The following CADPS variants were observed in gnomAD, a reference collection of about 807,000 sequenced individuals.
The protein encoded by CADPS is calcium dependent secretion activator.
Under a neutral mutation model 167.3 loss-of-function variants are expected in CADPS, and 57 were observed. That is an observed-to-expected ratio of 0.34 (90% CI 0.28 to 0.42). The LOEUF (loss-of-function observed/expected upper bound fraction) is 0.42, where lower values mean the gene tolerates loss of function less well. CADPS is among the 20% of genes least tolerant of loss of function. CADPS has a pLI of 1.00. For missense variants in CADPS, 1,414 were observed against 1,738.1 expected (o/e 0.81, Z 3.32); for synonymous variants, 676 against 635.3 (o/e 1.06, Z -0.96).
intron 18 of CADPS, among the ~76,000 whole-genome samples, chr3:62,495,023 C>T (rs188026401): frequency 1.6e-4 from 25 of 152,226 alleles, no homozygotes; most frequent in African/African-American, 3.9e-4. Flanking sequence ...GCCACTTCTA[C>T]GATCTATAGA....
At chr3:62,554,168 G>A (rs765567463) in intron 10 of CADPS, among the ~76,000 whole-genome samples, 3 of 152,104 alleles carry the variant, frequency 2.0e-5, no homozygotes, top group Admixed American at 6.5e-5. Context: ...TTATCTAATC[G>A]GATAGAAATT....
intron 26 of CADPS, among the ~76,000 whole-genome samples, chr3:62,448,343 C>G (rs2057525462): frequency 6.6e-6 from 1 of 152,152 alleles, no homozygotes; most frequent in Non-Finnish European, 1.5e-5. Context: ...CATGCAGTTA[C>G]AATCCGGAGA....
intron 3 of CADPS, among the ~76,000 whole-genome samples, chr3:62,699,651 C>T (rs950865417): frequency 1.3e-5 from 2 of 152,106 alleles, no homozygotes; most frequent in Non-Finnish European, 1.5e-5. Context: ...TTACTACATC[C>T]TCCGCCTTCC....
intron 3 of CADPS, among the ~76,000 whole-genome samples, chr3:62,721,087 A>G (rs2918039): frequency 0.29 from 42,316 of 147,686 alleles, 6,431 homozygotes; most frequent in African/African-American, 0.37. Flanking sequence ...AAAGTGCTGA[A>G]ATTACAGGTG....
intron 1 of CADPS, among the ~76,000 whole-genome samples, chr3:62,791,613 T>C (rs1418309991): frequency 6.6e-6 from 1 of 152,150 alleles, no homozygotes; most frequent in East Asian, 1.9e-4. Flanking sequence ...ATTGCATCAG[T>C]CAATCAAGCA....
intron 1 of CADPS, among the ~76,000 whole-genome samples, chr3:62,827,358 G>C (rs746516346): frequency 6.6e-6 from 1 of 152,166 alleles, no homozygotes; most frequent in Admixed American, 6.5e-5. Context: ...CAAGATGAAA[G>C]TGTATTTTCA....
intron 18 of CADPS, 80 bp from the exon 19 acceptor site, chr3:62,493,745 G>A: frequency 8.7e-7 from 1 of 1,155,258 alleles, no homozygotes; most frequent in Non-Finnish European, 1.3e-6. Context: ...GACACCTGCT[G>A]TTTCCATTTT....
intron 12 of CADPS, among the ~76,000 whole-genome samples, chr3:62,535,183 A>G (rs2074435821): frequency 6.6e-6 from 1 of 151,416 alleles, no homozygotes; most frequent in African/African-American, 2.4e-5. Flanking sequence ...TACAAAACAC[A>G]TTTGAGAAAA....
At chr3:62,692,364 C>T (rs866889864) in intron 3 of CADPS, among the ~76,000 whole-genome samples, 2 of 130,876 alleles carry the variant, frequency 1.5e-5, no homozygotes, top group Non-Finnish European at 3.2e-5. Context: ...AAAGCAAATG[C>T]CTTGCACACT....
chr3:62,698,491 C>G (rs2080767793), intron 3 of CADPS, among the ~76,000 whole-genome samples: 1 of 152,070 alleles, frequency 6.6e-6, no homozygotes, highest in South Asian at 2.1e-4. Context: ...TCAGGTGCAT[C>G]TTTCTGGTAA....
intron 6 of CADPS, among the ~76,000 whole-genome samples, chr3:62,620,198 G>A (rs542945550): frequency 2.5e-4 from 38 of 152,188 alleles, no homozygotes; most frequent in South Asian, 4.2e-4. Context: ...AATAGGGATG[G>A]CAGGCAGGGC....
At chr3:62,833,645 A>T (rs915945271) in intron 1 of CADPS, among the ~76,000 whole-genome samples, 1 of 152,052 alleles carries the variant, frequency 6.6e-6, no homozygotes, top group East Asian at 2.0e-4. Context: ...ATTAAAGAAC[A>T]AGAGTTTTCA....
At chr3:62,697,812 T>G in intron 3 of CADPS, among the ~76,000 whole-genome samples, 1 of 152,080 alleles carries the variant, frequency 6.6e-6, no homozygotes, top group East Asian at 1.9e-4. Flanking sequence ...AGCAATAAGG[T>G]GGTATCACAT....
chr3:62,556,723 C>T (rs762001067), intron 10 of CADPS, among the ~76,000 whole-genome samples: 4 of 150,904 alleles, frequency 2.7e-5, no homozygotes, highest in Admixed American at 1.3e-4. Flanking sequence ...GGGAGAGGTG[C>T]GAGGGGGCAG....
chr3:62,733,419 G>C lies in CADPS; in HGVS notation c.888+20022C>G, dbSNP rs540891872. Among the ~76,000 whole-genome samples, 5 of 89,940 alleles carry C rather than the reference G, an allele frequency of 5.6e-5. No homozygotes were observed. In the East Asian group the frequency reaches 1.0e-3, roughly 19 times the overall value. 59.0% of individuals were successfully genotyped at this position (89,940 alleles called of 152,430 possible). On this transcript the variant is annotated intron_variant, in intron 3 of 29. Coordinates refer to ENST00000383710, the MANE Select transcript of CADPS (RefSeq NM_003716.4). ...ATAATTTGCCAAATCTGCAAACCTA[G>C]AAGGAGTCTAATTAAAGTTAATGAG...
chr3:62,460,841 T>G (rs2059250891), intron 26 of CADPS, among the ~76,000 whole-genome samples: 1 of 152,208 alleles, frequency 6.6e-6, no homozygotes, highest in Non-Finnish European at 1.5e-5. Context: ...ACGGTAGGTT[T>G]CAGGCCCTTG....
intron 8 of CADPS, among the ~76,000 whole-genome samples, chr3:62,580,725 C>T (rs1434323215): frequency 6.6e-6 from 1 of 152,014 alleles, no homozygotes; most frequent in Non-Finnish European, 1.5e-5. Context: ...ATTACAAATG[C>T]TAAAGACTAA....
intron 22 of CADPS, among the ~76,000 whole-genome samples, chr3:62,479,315 T>C (rs1160246562): frequency 6.6e-6 from 1 of 152,228 alleles, no homozygotes; most frequent in Non-Finnish European, 1.5e-5. Flanking sequence ...TCTGGCTGGC[T>C]GTCTTTTTTG....
At chr3:62,532,498 G>T (rs1321219656) in intron 13 of CADPS, among the ~76,000 whole-genome samples, 1 of 152,054 alleles carries the variant, frequency 6.6e-6, no homozygotes, top group Non-Finnish European at 1.5e-5. Flanking sequence ...CCCTTTATAG[G>T]TACTTGCATT....
Sources: allele counts gnomAD v4.1 joint callset (sites outside exome capture counted in the v4.1 genomes callset), GRCh38; gene constraint gnomAD v4.1.1; transcripts MANE v1.5; gene names NCBI Gene and HGNC (gene_info 2026-07-23, HGNC 2026-07-21).